Variants in SV2C observed in about 807,000 individuals in gnomAD.
SV2C encodes the protein solute carrier family 22 member B3.
A neutral mutation model predicts 79.7 loss-of-function variants in SV2C; 49 were observed. The ratio of observed to expected loss-of-function variants is 0.61; its 90% CI spans 0.49 to 0.78. SV2C has a LOEUF of 0.78. Ranked by LOEUF, SV2C falls within the 30% of genes least tolerant of loss-of-function variation. The pLI, the probability that SV2C is intolerant of heterozygous loss-of-function variation, is 0.00. For synonymous variants in SV2C, 334 were observed against 333.2 expected, an observed-to-expected ratio of 1.00 and a Z score of -0.03; for missense variants, 833 against 912.9, an observed-to-expected ratio of 0.91 and a Z score of 1.13.
the SV2C span, among the ~76,000 whole-genome samples, chr5:75,978,311 C>T: frequency 2.6e-4 from 39 of 152,258 alleles, no homozygotes; most frequent in Admixed American, 4.6e-4. Flanking sequence ...CTGGATATTC[C>T]TCTCCTTCTT....
At chr5:76,351,902 A>G (rs1476054520) in intron 12 of SV2C, among the ~76,000 whole-genome samples, 1 of 152,140 alleles carries the variant, frequency 6.6e-6, no homozygotes, top group African/African-American at 2.4e-5. Context: ...TTTACAGAGG[A>G]TAAAATCTCA....
At chr5:76,182,465 G>A (rs1383768250) in intron 2 of SV2C, among the ~76,000 whole-genome samples, 2 of 152,140 alleles carry the variant, frequency 1.3e-5, no homozygotes, top group Non-Finnish European at 2.9e-5. Context: ...CCTTAGACCA[G>A]GTGGCCATCA....
At chr5:76,339,412 T>A (rs1749394207) in intron 12 of SV2C, among the ~76,000 whole-genome samples, 1 of 152,176 alleles carries the variant, frequency 6.6e-6, no homozygotes, top group Admixed American at 6.5e-5. Flanking sequence ...GTTGTTTGGT[T>A]TTTTTTAAGA....
chr5:75,851,366 T>C, the SV2C span, among the ~76,000 whole-genome samples: 1 of 152,224 alleles, frequency 6.6e-6, no homozygotes, highest in Non-Finnish European at 1.5e-5. Flanking sequence ...AGTTTATGTA[T>C]GTCTGAATCC....
At chr5:75,847,799 A>C in the SV2C span, among the ~76,000 whole-genome samples, 45,425 of 151,992 alleles carry the variant, frequency 0.3, 7,146 homozygotes, top group East Asian at 0.54. Context: ...ATTTTAGAGA[A>C]AGGAAAAAAG....
At chr5:75,853,272 AT>A in the SV2C span, among the ~76,000 whole-genome samples, 1 of 152,056 alleles carries the variant, frequency 6.6e-6, no homozygotes, top group Non-Finnish European at 1.5e-5. Context: ...GAATTTAAAA[AT>A]TGGCCGGGCG....
the SV2C span, among the ~76,000 whole-genome samples, chr5:75,899,016 C>G: frequency 2.0e-5 from 3 of 152,120 alleles, no homozygotes; most frequent in South Asian, 2.1e-4. Context: ...TTTCAAAAAA[C>G]CAGCTCCTGG....
chr5:76,005,672 G>T, the SV2C span, among the ~76,000 whole-genome samples: 1 of 152,160 alleles, frequency 6.6e-6, no homozygotes, highest in Non-Finnish European at 1.5e-5. Flanking sequence ...AAAACACTCT[G>T]CTGAGGTTGC....
At chr5:76,265,101 C>T (rs1018860902) in intron 4 of SV2C, among the ~76,000 whole-genome samples, 4 of 152,188 alleles carry the variant, frequency 2.6e-5, no homozygotes, top group African/African-American at 9.7e-5. Flanking sequence ...GGAGTTTTAT[C>T]TATAAGCCCC....
At chr5:76,104,522 CTACAGG>C (rs1747846317) in intron 1 of SV2C, among the ~76,000 whole-genome samples, 1 of 152,204 alleles carries the variant, frequency 6.6e-6, no homozygotes, top group African/African-American at 2.4e-5. Flanking sequence ...GGAGCTGGGA[CTACAGG>C]TGTGTGCCAC....
the SV2C span, among the ~76,000 whole-genome samples, chr5:75,881,495 C>T: frequency 6.6e-6 from 1 of 152,050 alleles, no homozygotes; most frequent in Non-Finnish European, 1.5e-5. Context: ...TGTAGTTCTC[C>T]TTGAAGAGGT....
At chr5:76,010,599 A>G in the SV2C span, among the ~76,000 whole-genome samples, 2 of 152,312 alleles carry the variant, frequency 1.3e-5, no homozygotes, top group Non-Finnish European at 2.9e-5. Context: ...ATATTAAATC[A>G]AGATAAGAGA....
chr5:76,048,433 C>T, the SV2C span, among the ~76,000 whole-genome samples: 10 of 152,186 alleles, frequency 6.6e-5, no homozygotes, highest in African/African-American at 2.2e-4. Flanking sequence ...GTGATATTCC[C>T]TACTCAGTCT....
chr5:76,090,028 T>A (rs953767147), intron 1 of SV2C, among the ~76,000 whole-genome samples: 3 of 152,240 alleles, frequency 2.0e-5, no homozygotes, highest in Admixed American at 2.0e-4. Flanking sequence ...AAATTCCACT[T>A]TGTTTTCATT....
At chr5:76,030,289 T>TATTTATTTATTTATTTA in the SV2C span, among the ~76,000 whole-genome samples, 105 of 117,904 alleles carry the variant, frequency 8.9e-4, 3 homozygotes, top group African/African-American at 3.8e-3. Context: ...TTTTTTTTTT[T>TATTTATTTATTTATTTA]TTTATTTATT....
At chr5:76,197,707 C>CAGATAGATAGATAGGTAGAT (rs1744310730) in intron 3 of SV2C, among the ~76,000 whole-genome samples, 1 of 145,494 alleles carries the variant, frequency 6.9e-6, no homozygotes, top group Non-Finnish European at 1.5e-5. Flanking sequence ...GATAGACAGG[C>CAGATAGATAGATAGGTAGAT]AGATAGATAG....
At chr5:75,852,186 G>A in the SV2C span, among the ~76,000 whole-genome samples, 2 of 152,096 alleles carry the variant, frequency 1.3e-5, no homozygotes, top group Admixed American at 1.3e-4. Flanking sequence ...CTGGGGGAGG[G>A]ATAGCATTAG....
At chr5:76,066,005 C>A in the SV2C span, among the ~76,000 whole-genome samples, 8 of 152,088 alleles carry the variant, frequency 5.3e-5, no homozygotes, top group Admixed American at 6.5e-5. Flanking sequence ...CCAGTTTAAA[C>A]CACTTTCAGG....
chr5:76,069,343 G>A, the SV2C span, among the ~76,000 whole-genome samples: 42 of 152,282 alleles, frequency 2.8e-4, no homozygotes, highest in African/African-American at 1.0e-3. Flanking sequence ...TCATCTCAAT[G>A]AGGCTGTGGA....
Sources: allele counts gnomAD v4.1 joint callset (sites outside exome capture counted in the v4.1 genomes callset), GRCh38; gene constraint gnomAD v4.1.1; transcripts MANE v1.5; gene names NCBI Gene and HGNC (gene_info 2026-07-23, HGNC 2026-07-21).